Variants in UBE2U observed in about 807,000 individuals in gnomAD.
The protein encoded by UBE2U is ubiquitin-conjugating enzyme E2 U.
Under a neutral mutation model 41.2 loss-of-function variants are expected in UBE2U, and 39 were observed. The ratio of observed to expected loss-of-function variants is 0.95; its 90% CI spans 0.73 to 1.24. The LOEUF is 1.24. Among genes scored for constraint, UBE2U ranks in the 50% most tolerant of loss-of-function variants. The probability of loss-of-function intolerance (pLI) is 0.00; values close to 1 mark genes in which losing one functional copy is unlikely to be tolerated. For missense variants in UBE2U, 336 were observed against 363.1 expected (o/e 0.93, Z 0.61); for synonymous variants, 107 against 117.8 (o/e 0.91, Z 0.60).
chr1:64,227,077 C>G (rs988012467), intron 6 of UBE2U, among the ~76,000 whole-genome samples: 16 of 152,144 alleles, frequency 1.1e-4, no homozygotes, highest in Admixed American at 2.0e-4. Context: ...AATTTAACAC[C>G]CATTCATGAT....
At chr1:64,217,680 C>G (rs1652120007) in intron 5 of UBE2U, among the ~76,000 whole-genome samples, 1 of 151,888 alleles carries the variant, frequency 6.6e-6, no homozygotes, top group South Asian at 2.1e-4. Context: ...TTTTCTTAGC[C>G]AAGTATATTC....
chr1:64,266,346 T>C (rs1050363438), intron 9 of UBE2U, among the ~76,000 whole-genome samples: 2 of 152,162 alleles, frequency 1.3e-5, no homozygotes, highest in African/African-American at 4.8e-5. Context: ...TACTATAACA[T>C]TGTGTTTTTG....
chr1:64,251,220 A>C (rs901931495), intron 8 of UBE2U, among the ~76,000 whole-genome samples: 2 of 151,078 alleles, frequency 1.3e-5, no homozygotes, highest in South Asian at 4.1e-4. Context: ...AAAATGTGTT[A>C]GTTTTTTTGA....
At chr1:64,256,232 C>T (rs1023795304) in intron 8 of UBE2U, among the ~76,000 whole-genome samples, 3 of 152,140 alleles carry the variant, frequency 2.0e-5, no homozygotes, top group Non-Finnish European at 4.4e-5. Context: ...TCCCATTAAA[C>T]TACCATTGAC....
chr1:64,258,460 A>T (rs1343230950), intron 8 of UBE2U, among the ~76,000 whole-genome samples: 1 of 151,918 alleles, frequency 6.6e-6, no homozygotes, highest in African/African-American at 2.4e-5. Context: ...TCTTAATGCT[A>T]TCCCTCCCCC....
chr1:64,212,643 T>A (rs2100270593), intron 4 of UBE2U, among the ~76,000 whole-genome samples: 1 of 152,268 alleles, frequency 6.6e-6, no homozygotes, highest in South Asian at 2.1e-4. Flanking sequence ...AATTGGAAAT[T>A]TTTCCAATTT....
intron 9 of UBE2U, among the ~76,000 whole-genome samples, chr1:64,264,326 T>A (rs1220371531): frequency 6.6e-6 from 1 of 152,226 alleles, no homozygotes; most frequent in Non-Finnish European, 1.5e-5. Context: ...CCATAACTTA[T>A]TTTGTTAACA....
chr1:64,239,114 G>GAA (rs1246967120), intron 7 of UBE2U, among the ~76,000 whole-genome samples: 12 of 17,402 alleles, frequency 6.9e-4, no homozygotes, highest in Non-Finnish European at 6.3e-4. Context: ...AGAAGAAGAA[G>GAA]AAGAAGAAGA....
intron 7 of UBE2U, among the ~76,000 whole-genome samples, chr1:64,239,248 C>CT (rs769914921): frequency 1.3e-5 from 2 of 151,826 alleles, no homozygotes; most frequent in Non-Finnish European, 1.5e-5. Flanking sequence ...AATAGTTCGA[C>CT]TGTAAGCTAA....
intron 6 of UBE2U, among the ~76,000 whole-genome samples, chr1:64,227,119 C>T (rs1465950716): frequency 6.6e-6 from 1 of 152,070 alleles, no homozygotes; most frequent in Admixed American, 6.5e-5. Context: ...ACAGAAATTC[C>T]CTTATTTCAG....
rs750020686 is a variant in UBE2U at position 64,241,710 on chromosome 1, G to A, written c.654G>A (p.Gln218=). 24 of 1,608,980 alleles carry A rather than the reference G, an allele frequency of 1.5e-5. No individual in the cohort carries two copies. The Admixed American group carries it at 3.4e-4, about 23-fold the overall frequency. The change falls in exon 8 of 10, where the codon CAG becomes CAA. Residue 218 remains glutamine, a synonymous_variant. Coordinates refer to ENST00000371077, the MANE Select transcript of UBE2U (RefSeq NM_001366232.2). ...ACAAATGGAAGAAAATGGATCTACA[G>A]CATCAGAAAGAATGGAATTTAAAGT... ...QYYKWKKMDL[Q]HQKEWNLKYS...
intron 5 of UBE2U, among the ~76,000 whole-genome samples, chr1:64,218,619 G>T (rs1021086656): frequency 3.3e-5 from 5 of 151,876 alleles, no homozygotes; most frequent in Non-Finnish European, 5.9e-5. Flanking sequence ...TAGGCTTTTC[G>T]GTTTTAGATA....
At chr1:64,206,915 TATA>T in intron 3 of UBE2U, 59 bp downstream of exon 3, 1 of 967,514 alleles carries the variant, frequency 1.0e-6, no homozygotes, top group African/African-American at 1.7e-5. Flanking sequence ...CCTTGTTTCT[TATA>T]ATAATCATGT....
Position 64,204,046 on chromosome 1 carries a change from C to A in UBE2U, c.-5C>A. ...GGACAAGTGTCAGACCCTCCGCTGCCTATCATGCACGGCAGAGCTTACCTC... is the reference window on the plus strand; with the variant it reads ...GGACAAGTGTCAGACCCTCCGCTGCATATCATGCACGGCAGAGCTTACCTC... On this transcript the variant is annotated 5_prime_UTR_variant, in exon 1 of 10. Transcript: ENST00000371077. The A allele has an allele frequency of 6.2e-7, 1 of 1,613,308 alleles. No individual in the cohort carries two copies.
chr1:64,244,146 TG>T, intron 8 of UBE2U: 1 of 1,610,042 alleles, frequency 6.2e-7, no homozygotes, highest in Non-Finnish European at 8.5e-7. Flanking sequence ...AATCTTTCTT[TG>T]GAAGCAGCAT....
intron 4 of UBE2U, among the ~76,000 whole-genome samples, chr1:64,211,536 C>T (rs964868670): frequency 3.9e-5 from 6 of 152,140 alleles, no homozygotes; most frequent in Non-Finnish European, 1.5e-5. Context: ...ACCTCCTGGG[C>T]TCAAGTGATC....
At chr1:64,261,157 G>A (rs1570159146) in intron 9 of UBE2U, among the ~76,000 whole-genome samples, 1 of 152,140 alleles carries the variant, frequency 6.6e-6, no homozygotes, top group African/African-American at 2.4e-5. Context: ...GTCTTCAGCC[G>A]GGAGAGCTGG....
intron 8 of UBE2U, chr1:64,244,159 G>A (rs1480057037): frequency 6.2e-7 from 1 of 1,608,656 alleles, no homozygotes. Flanking sequence ...AAGCAGCATA[G>A]GGGAAGAGCA....
chr1:64,210,553 A>G (rs1345619830), intron 3 of UBE2U, among the ~76,000 whole-genome samples, 189 bp from the exon 4 acceptor site: 1 of 152,222 alleles, frequency 6.6e-6, no homozygotes, highest in Non-Finnish European at 1.5e-5. Context: ...GCACCTATGT[A>G]TTCAGCTAAA....
Sources: gnomAD v4.1 joint callset for allele counts (sites outside exome capture counted in the v4.1 genomes callset) on GRCh38, gnomAD v4.1.1 for gene constraint, MANE v1.5 for transcripts, NCBI Gene and HGNC (gene_info 2026-07-23, HGNC 2026-07-21) for gene names.